The following CCDC185 variants were observed in gnomAD, a reference collection of about 807,000 sequenced individuals.
The protein encoded by CCDC185 is coiled-coil domain-containing protein 185.
For missense variants in CCDC185, 982 were observed against 825.3 expected (o/e 1.19, Z -2.33); for synonymous variants, 381 against 348.1 (o/e 1.09, Z -1.05).
chr1:223,395,005 G>A lies in CCDC185; in HGVS notation c.1530G>A (p.Ala510=), dbSNP rs146271498. The change falls in exon 1 of 1, where the codon GCG becomes GCA. Residue 510 remains alanine, a synonymous_variant. Transcript: ENST00000366875. ...KMRKRILVEL[A]DEKIRQARSH... ...GCAAAAGAATTCTGGTGGAGCTGGC[G>A]GATGAGAAGATCCGACAGGCCAGGA... is the stretch of plus-strand genomic sequence containing the variant. The A allele has an allele frequency of 1.2e-5, 19 of 1,614,100 alleles. No individual in the cohort carries two copies. Among genetic ancestry groups the A allele is most frequent in the Admixed American group, 6.7e-5 (4 of 60,014 alleles).
rs752671610 is a variant in CCDC185 at position 223,395,179 on chromosome 1, G to T, written c.1704G>T (p.Lys568Asn). Reference sequence around the variant, plus strand: ...GCATCAAGGAGGCCATTAAGAAAAAGGAGCAGAGGGTGCAGCACATTTCCC... The same window carrying T: ...GCATCAAGGAGGCCATTAAGAAAAATGAGCAGAGGGTGCAGCACATTTCCC... ...IEGIKEAIKK[K>N]EQRVQHISQG... Residue 568 changes from lysine to asparagine, a missense_variant, in exon 1 of 1, where the codon AAG becomes AAT. Coordinates refer to ENST00000366875, the MANE Select transcript of CCDC185 (RefSeq NM_152610.3). The T allele has an allele frequency of 1.7e-5, 27 of 1,613,978 alleles. No individual in the cohort carries two copies. The highest frequency in any genetic ancestry group is 2.3e-5 in the Non-Finnish European group (27 of 1,180,028).
chr1:223,393,423 C>T lies in CCDC185; in HGVS notation c.-53C>T. 2.8e-6 allele frequency: 4 copies of T among 1,403,814 alleles called. No individual in the cohort carries two copies. Among genetic ancestry groups the T allele is most frequent in the Non-Finnish European group, 2.8e-6 (3 of 1,080,118 alleles). The allele number at this position is 1,403,814 out of a possible 1,614,324, so 87.0% of individuals were successfully genotyped here. On this transcript the variant is annotated 5_prime_UTR_variant, in exon 1 of 1. Transcript: ENST00000366875. This position sits in a 1 kb window ranked among gnomAD's most constrained non-coding sequence, Gnocchi z 4.8. ...GGGCAGGGCGGGTGTCTGCAGCGTCCTCGGGAGGTCTCAGGCCCCTTGGGC... is the reference window on the plus strand; with the variant it reads ...GGGCAGGGCGGGTGTCTGCAGCGTCTTCGGGAGGTCTCAGGCCCCTTGGGC...
rs756131783 is a variant in CCDC185 at position 223,394,785 on chromosome 1, T to C, written c.1310T>C (p.Met437Thr). Residue 437 changes from methionine to threonine, a missense_variant, in exon 1 of 1, where the codon ATG becomes ACG. Met to Thr is a moderately conservative substitution (Grantham distance 81, BLOSUM62 -1). Transcript: ENST00000366875. ...AATTACCAGGCCCGGAAGGTCCTCA[T>C]GGACTGCCAGGCCAAGGCTGAGGAG... ...LINYQARKVL[M>T]DCQAKAEELL... 18 of 1,613,340 alleles carry C rather than the reference T, an allele frequency of 1.1e-5. No homozygotes were observed. The East Asian group carries it at 1.6e-4, about 14-fold the overall frequency.
At position 223,394,533 on chromosome 1, in the gene CCDC185, A is replaced by G. The variant is rs1268685571; in HGVS notation, c.1058A>G (p.Gln353Arg). ...CGGTGGAAGGAGCAACCAGAGGACCAGGAGAGCCCGCGCCAGGAGAAGCTG... is the reference window on the plus strand; with the variant it reads ...CGGTGGAAGGAGCAACCAGAGGACCGGGAGAGCCCGCGCCAGGAGAAGCTG... Reference protein sequence around the residue: ...ESRWKEQPEDQESPRQEKLEK... With the variant: ...ESRWKEQPEDRESPRQEKLEK... The change falls in exon 1 of 1, where the codon CAG becomes CGG. Residue 353 changes from glutamine (Q) to arginine (R), a missense_variant. Transcript: ENST00000366875. The G allele has an allele frequency of 2.5e-6, 4 of 1,598,298 alleles. No homozygotes were observed. In the South Asian group the frequency reaches 4.5e-5, roughly 18 times the overall value.
rs1466177990 is a variant in CCDC185, at chr1:223,393,879, G to C, written c.404G>C (p.Cys135Ser). The change falls in exon 1 of 1, where the codon TGC (cysteine) becomes TCC (serine). Residue 135 changes from cysteine (C) to serine (S), a missense_variant. Cys to Ser is a moderately radical substitution (Grantham distance 112). Coordinates refer to ENST00000366875, the MANE Select transcript of CCDC185 (RefSeq NM_152610.3). This position sits in a 1 kb window ranked among gnomAD's most constrained non-coding sequence, Gnocchi z 4.8. Reference protein sequence around the residue: ...TQLPPQRPQPCPHYPLAQGDS... With the variant: ...TQLPPQRPQPSPHYPLAQGDS... ...CTGCCACCCCAGCGGCCGCAGCCCT[G>C]CCCGCATTACCCTCTGGCCCAGGGA... is the stretch of plus-strand genomic sequence containing the variant. 6.2e-7 allele frequency: 1 copy of C among 1,608,806 alleles called. No homozygotes were observed. The highest frequency in any genetic ancestry group is 2.2e-5 in the East Asian group (1 of 44,716).
At position 223,393,988 on chromosome 1, in the gene CCDC185, G is replaced by A. The variant is rs1458675627; in HGVS notation, c.513G>A (p.Gln171=). Residue 171 remains glutamine (Q), a synonymous_variant, in exon 1 of 1, where the codon CAG becomes CAA. Transcript: ENST00000366875. This position sits in a 1 kb window ranked among gnomAD's most constrained non-coding sequence, Gnocchi z 4.8. ...TAGAAAAGGCACAGGGTGGAGACCAGTGGGCAGTGCCACTCGGCAGACATC... is the reference window on the plus strand; with the variant it reads ...TAGAAAAGGCACAGGGTGGAGACCAATGGGCAGTGCCACTCGGCAGACATC... The part of the protein sequence containing the change: ...FRVEKAQGGD[Q]WAVPLGRHLG... 1 of 1,614,006 alleles carries A rather than the reference G, an allele frequency of 6.2e-7. No homozygotes were observed. Among genetic ancestry groups the A allele is most frequent in the Non-Finnish European group, 8.5e-7 (1 of 1,180,044 alleles).
At position 223,393,534 on chromosome 1, in the gene CCDC185, G is replaced by C. The variant is rs75945379; in HGVS notation, c.59G>C (p.Arg20Pro). Residue 20 changes from arginine to proline, a missense_variant, in exon 1 of 1, where the codon CGG (arginine) becomes CCG (proline). Coordinates refer to ENST00000366875, the MANE Select transcript of CCDC185 (RefSeq NM_152610.3). The surrounding 1 kb of genome is among the most constrained non-coding windows in gnomAD (Gnocchi z 4.8). ...PPYRDLWEPP[R>P]PGGERESTQR... ...TACCGGGATCTCTGGGAACCCCCGCGGCCCGGCGGAGAACGAGAGTCCACG... is the reference window on the plus strand; with the variant it reads ...TACCGGGATCTCTGGGAACCCCCGCCGCCCGGCGGAGAACGAGAGTCCACG... 121 of 1,551,574 alleles carry C rather than the reference G, an allele frequency of 7.8e-5. No individual in the cohort carries two copies. Among genetic ancestry groups the C allele is most frequent in the Non-Finnish European group, 1.0e-4 (117 of 1,151,276 alleles).
At position 223,393,527 on chromosome 1, in the gene CCDC185, C is replaced by T. The variant is rs755957555; in HGVS notation, c.52C>T (p.Pro18Ser). The T allele has an allele frequency of 9.7e-6, 15 of 1,549,558 alleles. No homozygotes were observed. Among genetic ancestry groups the T allele is most frequent in the African/African-American group, 1.4e-5 (1 of 71,416 alleles). ...GCCGCCCTACCGGGATCTCTGGGAA[C>T]CCCCGCGGCCCGGCGGAGAACGAGA... ...SQPPYRDLWEPPRPGGEREST... is the reference protein window; with the variant it reads ...SQPPYRDLWESPRPGGEREST... Residue 18 changes from proline to serine, a missense_variant, in exon 1 of 1, where the codon CCC (proline) becomes TCC (serine). Coordinates refer to ENST00000366875, the MANE Select transcript of CCDC185 (RefSeq NM_152610.3). The surrounding 1 kb of genome is among the most constrained non-coding windows in gnomAD (Gnocchi z 4.8).
In CCDC185 at chr1:223,393,996, T is replaced by C. The variant is rs1437621788; in HGVS notation, c.521T>C (p.Val174Ala). The stretch of plus-strand genomic sequence containing the variant: ...GCACAGGGTGGAGACCAGTGGGCAG[T>C]GCCACTCGGCAGACATCTAGGTCGC... Reference protein sequence around the residue: ...EKAQGGDQWAVPLGRHLGRWS... With the variant: ...EKAQGGDQWAAPLGRHLGRWS... Residue 174 changes from valine (V) to alanine (A), a missense_variant, in exon 1 of 1, where the codon GTG becomes GCG. Val to Ala is a moderately conservative substitution (Grantham distance 64). Coordinates refer to ENST00000366875, the MANE Select transcript of CCDC185 (RefSeq NM_152610.3). This position sits in a 1 kb window ranked among gnomAD's most constrained non-coding sequence, Gnocchi z 4.8. 6.2e-7 allele frequency: 1 copy of C among 1,614,102 alleles called. No homozygotes were observed. The highest frequency in any genetic ancestry group is 1.1e-5 in the South Asian group (1 of 91,084).
rs368939053 is a variant in CCDC185, at chr1:223,394,858, G to C, written c.1383G>C (p.Glu461Asp). The change falls in exon 1 of 1, where the codon GAG becomes GAC. Residue 461 changes from glutamate to aspartate, a missense_variant. Transcript: ENST00000366875. Reference sequence around the variant, plus strand: ...AACAAAGTTTCCAGCGGTCCCAGGAGATACACCAGGGCCTGAGGAAGGAGC... The same window carrying C: ...AACAAAGTTTCCAGCGGTCCCAGGACATACACCAGGGCCTGAGGAAGGAGC... ...SLEQSFQRSQ[E>D]IHQGLRKERQ... The C allele has an allele frequency of 6.2e-6, 10 of 1,614,154 alleles. No homozygotes were observed. The highest frequency in any genetic ancestry group is 6.8e-6 in the Non-Finnish European group (8 of 1,180,024).
Position 223,395,291 on chromosome 1 carries a change from G to C in CCDC185, c.1816G>C (p.Asp606His). ...GAGAGCGCCTCCCAACAGCTCCCTT[G>C]ATCAGATGGTACTAGAGGCCCAGCT... ...EERAPPNSSL[D>H]QMVLEAQLRA... Residue 606 changes from aspartate to histidine, a missense_variant, in exon 1 of 1, where the codon GAT (aspartate) becomes CAT (histidine). Transcript: ENST00000366875. 2 of 1,555,816 alleles carry C rather than the reference G, an allele frequency of 1.3e-6. No homozygotes were observed. The highest frequency in any genetic ancestry group is 2.5e-5 in the South Asian group (2 of 78,644).
chr1:223,393,721 C>A lies in CCDC185; in HGVS notation c.246C>A (p.Ser82Arg). ...RRGCSDSLRG[S>R]RSLSDVARRP... ...GGTGCTCAGATTCACTGCGGGGCAG[C>A]CGAAGCCTGAGCGATGTGGCCCGCA... The change falls in exon 1 of 1, where the codon AGC becomes AGA. Residue 82 changes from serine to arginine, a missense_variant. By Grantham distance (110) the Ser-to-Arg change is moderately radical. Transcript: ENST00000366875. This position sits in a 1 kb window ranked among gnomAD's most constrained non-coding sequence, Gnocchi z 4.8. 1 of 1,570,354 alleles carries A rather than the reference C, an allele frequency of 6.4e-7. No individual in the cohort carries two copies. Among genetic ancestry groups the A allele is most frequent in the South Asian group, 1.2e-5 (1 of 86,202 alleles).
At position 223,394,355 on chromosome 1, in the gene CCDC185, G is replaced by T; in HGVS notation, c.880G>T (p.Val294Phe). 6.3e-7 allele frequency: 1 copy of T among 1,589,064 alleles called. No individual in the cohort carries two copies. The highest frequency in any genetic ancestry group is 8.6e-7 in the Non-Finnish European group (1 of 1,167,966). ...GGAGCTGAAGCGCTCGGATCAGAAG[G>T]TCCAGATGACCCTGGAGCGGGAGCG... is the stretch of plus-strand genomic sequence containing the variant. ...WEELKRSDQK[V>F]QMTLERERRL... The change falls in exon 1 of 1, where the codon GTC becomes TTC. Residue 294 changes from valine (V) to phenylalanine (F), a missense_variant. By Grantham distance (50) the Val-to-Phe change is conservative. Transcript: ENST00000366875.
In CCDC185 at chr1:223,393,867, G is replaced by A; in HGVS notation, c.392G>A (p.Arg131Gln). The A allele has an allele frequency of 6.2e-7, 1 of 1,605,744 alleles. No homozygotes were observed. The highest frequency in any genetic ancestry group is 8.5e-7 in the Non-Finnish European group (1 of 1,176,822). ...CCGCAGACCCAGCTGCCACCCCAGC[G>A]GCCGCAGCCCTGCCCGCATTACCCT... is the stretch of plus-strand genomic sequence containing the variant. ...WQPQTQLPPQ[R>Q]PQPCPHYPLA... is the part of the protein sequence containing the mutation. Residue 131 changes from arginine to glutamine, a missense_variant, in exon 1 of 1, where the codon CGG becomes CAG. Transcript: ENST00000366875. This position sits in a 1 kb window ranked among gnomAD's most constrained non-coding sequence, Gnocchi z 4.8.
Position 223,394,278 on chromosome 1 carries a change from A to G in CCDC185, c.803A>G (p.Lys268Arg). The G allele has an allele frequency of 6.2e-7, 1 of 1,613,688 alleles. No individual in the cohort carries two copies. The highest frequency in any genetic ancestry group is 8.5e-7 in the Non-Finnish European group (1 of 1,179,980). ...QIVALVLTRL[K>R]KAQRIRELQQ... ...GTGGCCCTGGTGCTGACCCGTCTCA[A>G]GAAGGCCCAGAGGATACGGGAGCTG... Residue 268 changes from lysine (K) to arginine (R), a missense_variant, in exon 1 of 1, where the codon AAG (lysine) becomes AGG (arginine). Lys to Arg is a conservative substitution (Grantham distance 26). Coordinates refer to ENST00000366875, the MANE Select transcript of CCDC185 (RefSeq NM_152610.3).
At position 223,394,643 on chromosome 1, in the gene CCDC185, C is replaced by T. The variant is rs370352418; in HGVS notation, c.1168C>T (p.Arg390Trp). Residue 390 changes from arginine to tryptophan, a missense_variant, in exon 1 of 1, where the codon CGG becomes TGG. Physicochemically the swap from Arg to Trp is moderately radical, Grantham distance 101. Coordinates refer to ENST00000366875, the MANE Select transcript of CCDC185 (RefSeq NM_152610.3). ...REQEKMLRNLREQHSLQLQRR... is the reference protein window; with the variant it reads ...REQEKMLRNLWEQHSLQLQRR... The stretch of plus-strand genomic sequence containing the variant: ...GCAGGAGAAGATGCTACGGAACCTC[C>T]GGGAGCAGCACAGCCTGCAGCTGCA... The T allele has an allele frequency of 2.6e-5, 42 of 1,613,234 alleles. No individual in the cohort carries two copies. Among genetic ancestry groups the T allele is most frequent in the African/African-American group, 1.6e-4 (12 of 75,036 alleles).
In CCDC185 at chr1:223,394,465, G is replaced by A. The variant is rs545156576; in HGVS notation, c.990G>A (p.Leu330=). 142 of 1,571,410 alleles carry A rather than the reference G, an allele frequency of 9.0e-5. 2 individuals carry two copies. The South Asian group carries it at 1.6e-3, about 17-fold the overall frequency. ...TCCAGAGCCCTGAGCAGCGCGGCCT[G>A]CGGCGGGACAGCCAGAGGAAGAACG... ...KTLQSPEQRG[L]RRDSQRKNVP... Residue 330 remains leucine, a synonymous_variant, in exon 1 of 1, where the codon CTG becomes CTA. Coordinates refer to ENST00000366875, the MANE Select transcript of CCDC185 (RefSeq NM_152610.3).
chr1:223,394,863 A>G lies in CCDC185; in HGVS notation c.1388A>G (p.His463Arg). ...EQSFQRSQEI[H>R]QGLRKERQRE... ...AGTTTCCAGCGGTCCCAGGAGATAC[A>G]CCAGGGCCTGAGGAAGGAGCGGCAA... is the stretch of plus-strand genomic sequence containing the variant. Residue 463 changes from histidine to arginine, a missense_variant, in exon 1 of 1, where the codon CAC becomes CGC. Physicochemically the swap from His to Arg is conservative, Grantham distance 29. Transcript: ENST00000366875. The G allele has an allele frequency of 6.2e-7, 1 of 1,614,116 alleles. No individual in the cohort carries two copies. The highest frequency in any genetic ancestry group is 8.5e-7 in the Non-Finnish European group (1 of 1,180,016).
In CCDC185 at chr1:223,393,745, C is replaced by A. The variant is rs745870403; in HGVS notation, c.270C>A (p.Arg90=). 2.8e-5 allele frequency: 44 copies of A among 1,565,234 alleles called. No individual in the cohort carries two copies. The highest frequency in any genetic ancestry group is 2.6e-6 in the Non-Finnish European group (3 of 1,157,826). ...GCCGAAGCCTGAGCGATGTGGCCCGCAGGCCCCTGGAACGTTCCAGGAAGC... is the reference window on the plus strand; with the variant it reads ...GCCGAAGCCTGAGCGATGTGGCCCGAAGGCCCCTGGAACGTTCCAGGAAGC... ...RGSRSLSDVA[R]RPLERSRKHR... The change falls in exon 1 of 1, where the codon CGC becomes CGA. Residue 90 remains arginine, a synonymous_variant. Coordinates refer to ENST00000366875, the MANE Select transcript of CCDC185 (RefSeq NM_152610.3). The surrounding 1 kb of genome is among the most constrained non-coding windows in gnomAD (Gnocchi z 4.8).
Sources: gnomAD v4.1 joint callset for allele counts on GRCh38, gnomAD v4.1.1 for gene constraint, Gnocchi (gnomAD v3.1) non-coding constraint, MANE v1.5 for transcripts, NCBI Gene and HGNC (gene_info 2026-07-23, HGNC 2026-07-21) for gene names.